The following ZBTB7C variants were observed in gnomAD, a reference collection of about 807,000 sequenced individuals.
The protein encoded by ZBTB7C is zinc finger and BTB domain-containing protein 7C.
ZBTB7C carries 8 observed loss-of-function variants against 25.7 expected under a neutral mutation model. The ratio of observed to expected loss-of-function variants is 0.31; its 90% confidence interval spans 0.18 to 0.56. The LOEUF is 0.56. ZBTB7C is among the 20% of genes least tolerant of loss of function. ZBTB7C has a pLI of 0.91. For synonymous variants in ZBTB7C, 394 were observed against 369.0 expected (o/e 1.07, Z -0.78); for missense variants, 824 against 855.2 (o/e 0.96, Z 0.46).
chr18:48,121,103 G>A (rs2039614141), intron 3 of ZBTB7C, among the ~76,000 whole-genome samples: 1 of 152,226 alleles, frequency 6.6e-6, no homozygotes, highest in African/African-American at 2.4e-5. Context: ...CCATGCCCAT[G>A]AGCACTGTTC....
At chr18:48,029,989 A>G (rs1405849158) in intron 4 of ZBTB7C, 78 bp from the exon 5 acceptor site, 3 of 1,585,152 alleles carry the variant, frequency 1.9e-6, no homozygotes, top group East Asian at 4.5e-5. Flanking sequence ...CCCTTTCTCC[A>G]GAACCAGCCG....
At chr18:48,085,367 A>T (rs1399437273) in intron 3 of ZBTB7C, among the ~76,000 whole-genome samples, 1 of 152,212 alleles carries the variant, frequency 6.6e-6, no homozygotes, top group Non-Finnish European at 1.5e-5. Flanking sequence ...CCCCAGGAGA[A>T]GTCTCCTCAC....
At chr18:48,399,121 T>C (rs2048100326) in intron 1 of ZBTB7C, among the ~76,000 whole-genome samples, 2 of 152,310 alleles carry the variant, frequency 1.3e-5, no homozygotes, top group South Asian at 4.1e-4. Context: ...TGAGATTCAA[T>C]GCGTGAGATA....
At chr18:48,219,409 G>C (rs1460257148) in intron 2 of ZBTB7C, among the ~76,000 whole-genome samples, 1 of 152,212 alleles carries the variant, frequency 6.6e-6, no homozygotes, top group Non-Finnish European at 1.5e-5. Context: ...CTAAGCATCT[G>C]CACACATTAA....
At chr18:48,398,816 T>A (rs1409485843) in intron 1 of ZBTB7C, among the ~76,000 whole-genome samples, 1 of 152,160 alleles carries the variant, frequency 6.6e-6, no homozygotes, top group East Asian at 1.9e-4. Flanking sequence ...GAGTACATGA[T>A]TCGTTTTCTA....
At chr18:48,283,978 C>G (rs2044950716) in intron 2 of ZBTB7C, among the ~76,000 whole-genome samples, 3 of 152,018 alleles carry the variant, frequency 2.0e-5, no homozygotes, top group Admixed American at 2.0e-4. Context: ...AAAACCCCAT[C>G]TCTACTAAAA....
intron 3 of ZBTB7C, among the ~76,000 whole-genome samples, chr18:48,167,851 GA>G: frequency 6.6e-6 from 1 of 152,296 alleles, no homozygotes; most frequent in Non-Finnish European, 1.5e-5. Context: ...CGGTATGTTT[GA>G]AAAGATCATT....
chr18:48,111,862 G>A (rs536103169), intron 3 of ZBTB7C, among the ~76,000 whole-genome samples: 27 of 152,204 alleles, frequency 1.8e-4, no homozygotes, highest in African/African-American at 5.1e-4. Flanking sequence ...TAGCAATTTC[G>A]GACCCTGAAA....
At chr18:48,100,109 G>T (rs2038779343) in intron 3 of ZBTB7C, among the ~76,000 whole-genome samples, 1 of 152,194 alleles carries the variant, frequency 6.6e-6, no homozygotes, top group South Asian at 2.1e-4. Flanking sequence ...ATTTGGTTTG[G>T]GGGAGTTGGA....
At chr18:48,216,959 A>T (rs2042838512) in intron 2 of ZBTB7C, among the ~76,000 whole-genome samples, 1 of 152,170 alleles carries the variant, frequency 6.6e-6, no homozygotes, top group Non-Finnish European at 1.5e-5. Flanking sequence ...GTGTCCTTAT[A>T]AAAAGGGGAG....
chr18:48,350,430 C>T (rs1163468050), intron 1 of ZBTB7C: 2 of 152,206 alleles, frequency 1.3e-5, no homozygotes, highest in Non-Finnish European at 2.9e-5. Flanking sequence ...CTTTTAAGGG[C>T]TTATGCGACT....
At chr18:48,121,038 C>T (rs1297158891) in intron 3 of ZBTB7C, among the ~76,000 whole-genome samples, 2 of 152,212 alleles carry the variant, frequency 1.3e-5, no homozygotes, top group Non-Finnish European at 2.9e-5. Flanking sequence ...AGAGCTGCCC[C>T]TGGTCTTGGG....
At chr18:48,166,089 G>A (rs892521717) in intron 3 of ZBTB7C, among the ~76,000 whole-genome samples, 1 of 151,928 alleles carries the variant, frequency 6.6e-6, no homozygotes, top group African/African-American at 2.4e-5. Flanking sequence ...TTATATATGT[G>A]TAACATAAAT....
intron 4 of ZBTB7C, among the ~76,000 whole-genome samples, chr18:48,032,951 T>A (rs1598744135): frequency 6.6e-6 from 1 of 152,138 alleles, no homozygotes; most frequent in Admixed American, 6.5e-5. Context: ...GAACATCTGC[T>A]ATGGGCAGGT....
At chr18:48,227,906 G>A (rs919450240) in intron 2 of ZBTB7C, among the ~76,000 whole-genome samples, 1 of 152,178 alleles carries the variant, frequency 6.6e-6, no homozygotes, top group African/African-American at 2.4e-5. Context: ...ATTGTTACAA[G>A]GGGTAAGTGG....
chr18:48,040,628 C>CTCT lies in ZBTB7C; in HGVS notation c.477_479dup (p.Glu162dup), dbSNP rs772607943. On this transcript the variant is annotated inframe_insertion, in exon 4 of 5. Transcript: ENST00000590800. ...CCGTGTCATCATCGTCATCCTCCTC[C>CTCT]TCTTCCTCCTCCTCCTCTTCGTCCT... 5.0e-6 allele frequency: 8 copies of CTCT among 1,611,138 alleles called. No individual in the cohort carries two copies. Among genetic ancestry groups the CTCT allele is most frequent in the Admixed American group, 1.7e-5 (1 of 59,980 alleles).
intron 2 of ZBTB7C, among the ~76,000 whole-genome samples, chr18:48,207,801 T>C (rs10460078): frequency 0.29 from 44,420 of 152,012 alleles, 6,954 homozygotes; most frequent in East Asian, 0.55. Flanking sequence ...TATGGCATGA[T>C]TGCATTTATA....
chr18:48,115,472 T>A (rs2039400981), intron 3 of ZBTB7C, among the ~76,000 whole-genome samples: 1 of 151,938 alleles, frequency 6.6e-6, no homozygotes, highest in Admixed American at 6.6e-5. Flanking sequence ...TCTCCTGACC[T>A]CGAGATCCGC....
At chr18:48,355,281 A>C (rs9953334) in intron 1 of ZBTB7C, among the ~76,000 whole-genome samples, 49,510 of 152,072 alleles carry the variant, frequency 0.33, 8,277 homozygotes, top group African/African-American at 0.36. Context: ...TAATGGGGGA[A>C]CAGAGAGATC....
Sources: allele counts gnomAD v4.1 joint callset (sites outside exome capture counted in the v4.1 genomes callset), GRCh38; gene constraint gnomAD v4.1.1; transcripts MANE v1.5; gene names NCBI Gene and HGNC (gene_info 2026-07-23, HGNC 2026-07-21).